The following NFKB1 variants were observed in gnomAD, a reference collection of about 807,000 sequenced individuals.
The protein encoded by NFKB1 is nuclear factor NF-kappa-B p105 subunit.
A neutral mutation model predicts 105.1 loss-of-function variants in NFKB1; 9 were observed. The ratio of observed to expected loss-of-function variants is 0.09; its 90% CI spans 0.05 to 0.15. The LOEUF (loss-of-function observed/expected upper bound fraction) is 0.15, where lower values mean the gene tolerates loss of function less well. Ranked by LOEUF, NFKB1 falls within the 10% of genes least tolerant of loss-of-function variation. The pLI is 1.00. For missense variants in NFKB1, 830 were observed against 1,203.7 expected (o/e 0.69, Z 4.59); for synonymous variants, 440 against 442.2 (o/e 1.00, Z 0.06).
chr4:102,534,708 T>G (rs1257386920), intron 4 of NFKB1, among the ~76,000 whole-genome samples: 1 of 152,186 alleles, frequency 6.6e-6, no homozygotes, highest in Non-Finnish European at 1.5e-5. Context: ...CTAATCACAT[T>G]TGTGTGTGAC....
chr4:102,574,063 G>A (rs1006855213), intron 6 of NFKB1, among the ~76,000 whole-genome samples: 3 of 146,234 alleles, frequency 2.1e-5, no homozygotes, highest in East Asian at 4.0e-4. Context: ...TTCTTTCCAT[G>A]CCTGTTAGTT....
chr4:102,517,500 T>A (rs1740269643), intron 1 of NFKB1, among the ~76,000 whole-genome samples: 1 of 152,166 alleles, frequency 6.6e-6, no homozygotes, highest in African/African-American at 2.4e-5. Context: ...TTTTCCAATT[T>A]GCCAATACAA....
intron 17 of NFKB1, 146 bp from the exon 18 acceptor site, chr4:102,607,004 T>G: frequency 1.2e-6 from 1 of 836,766 alleles, no homozygotes; most frequent in Non-Finnish European, 2.0e-6. Context: ...TAGGAGACTG[T>G]GGGTCTTCAA....
At chr4:102,527,441 T>C (rs1418636656) in intron 2 of NFKB1, among the ~76,000 whole-genome samples, 1 of 152,166 alleles carries the variant, frequency 6.6e-6, no homozygotes, top group Non-Finnish European at 1.5e-5. Context: ...TTTAAAATAG[T>C]GGATTTCTGA....
intron 5 of NFKB1, among the ~76,000 whole-genome samples, chr4:102,561,024 T>C (rs1409589662): frequency 6.6e-6 from 1 of 152,194 alleles, no homozygotes; most frequent in African/African-American, 2.4e-5. Flanking sequence ...ATTGGATCAC[T>C]GACTAGATCA....
At chr4:102,569,306 T>C (rs1724126323) in intron 6 of NFKB1, among the ~76,000 whole-genome samples, 1 of 152,130 alleles carries the variant, frequency 6.6e-6, no homozygotes, top group Admixed American at 6.5e-5. Flanking sequence ...GACCTTAATG[T>C]CTTCCCTCAT....
intron 6 of NFKB1, among the ~76,000 whole-genome samples, chr4:102,575,532 C>T (rs115775841): frequency 6.6e-4 from 101 of 152,244 alleles, no homozygotes; most frequent in African/African-American, 2.4e-3. Flanking sequence ...ACAACTTGCT[C>T]ATTTCACTCC....
intron 1 of NFKB1, among the ~76,000 whole-genome samples, chr4:102,504,673 C>T (rs1739314235): frequency 6.6e-6 from 1 of 152,164 alleles, no homozygotes; most frequent in Non-Finnish European, 1.5e-5. Context: ...CTCATTTGCA[C>T]TCTTGCACCT....
At chr4:102,563,877 A>T (rs1212760078) in intron 5 of NFKB1, among the ~76,000 whole-genome samples, 1 of 143,746 alleles carries the variant, frequency 7.0e-6, no homozygotes, top group East Asian at 2.0e-4. Flanking sequence ...CTGGAGGGGC[A>T]GTGTCTTGAT....
chr4:102,612,503 AC>A lies in NFKB1; in HGVS notation c.2490del (p.Asp830GlufsTer11). 6.2e-7 allele frequency: 1 copy of A among 1,614,026 alleles called. No homozygotes were observed. Among genetic ancestry groups the A allele is most frequent in the Non-Finnish European group, 8.5e-7 (1 of 1,180,030 alleles). The part of the protein sequence containing the change: ...LYKLLEIPDP[D>X]KNWATLAQKL... ...AAGTTACTAGAAATTCCTGATCCAG[AC>A]AAAAACTGGGCTACTCTGGCGCAGA... On this transcript the variant is annotated frameshift_variant, in exon 22 of 24. Transcript: ENST00000226574. LOFTEE classifies it high-confidence loss of function.
intron 10 of NFKB1, among the ~76,000 whole-genome samples, chr4:102,583,795 AGT>A (rs76230098): frequency 0.41 from 62,969 of 152,162 alleles, 13,227 homozygotes; most frequent in Admixed American, 0.48. Flanking sequence ...CCTATTTACA[AGT>A]AATTATCTGG....
intron 11 of NFKB1, among the ~76,000 whole-genome samples, chr4:102,585,048 A>AT (rs78130855): frequency 0.028 from 4,038 of 143,604 alleles, 86 homozygotes; most frequent in Non-Finnish European, 0.042. Flanking sequence ...TGCCGGGCTA[A>AT]TTTTTTTTTT....
At chr4:102,585,572 G>A (rs1196763663) in intron 11 of NFKB1, among the ~76,000 whole-genome samples, 2 of 152,118 alleles carry the variant, frequency 1.3e-5, no homozygotes, top group Non-Finnish European at 2.9e-5. Context: ...AATGAGTAAG[G>A]CATCATTCTT....
At chr4:102,570,911 A>G (rs1387417102) in intron 6 of NFKB1, among the ~76,000 whole-genome samples, 1 of 152,214 alleles carries the variant, frequency 6.6e-6, no homozygotes, top group African/African-American at 2.4e-5. Context: ...ATACTGCCCA[A>G]GGTAATTTAT....
intron 1 of NFKB1, among the ~76,000 whole-genome samples, chr4:102,505,708 A>G (rs377712459): frequency 1.3e-5 from 2 of 152,266 alleles, no homozygotes; most frequent in African/African-American, 4.8e-5. Context: ...AAAAAATGAA[A>G]TAAAGAAAAA....
chr4:102,540,021 G>C (rs1741897500), intron 5 of NFKB1, among the ~76,000 whole-genome samples: 1 of 152,288 alleles, frequency 6.6e-6, no homozygotes, highest in South Asian at 2.1e-4. Flanking sequence ...TGTGTCACAT[G>C]TATAAATATT....
intron 16 of NFKB1, among the ~76,000 whole-genome samples, chr4:102,605,728 C>A (rs1416345481): frequency 6.6e-6 from 1 of 152,084 alleles, no homozygotes; most frequent in Non-Finnish European, 1.5e-5. Flanking sequence ...TCAGCTGAGC[C>A]CCCTTGGTGA....
At chr4:102,509,886 C>A (rs1215590787) in intron 1 of NFKB1, among the ~76,000 whole-genome samples, 1 of 152,172 alleles carries the variant, frequency 6.6e-6, no homozygotes, top group Non-Finnish European at 1.5e-5. Flanking sequence ...GGTCAGCTTT[C>A]TAAAGTGTAA....
chr4:102,502,370 C>G (rs1370417195), intron 1 of NFKB1, among the ~76,000 whole-genome samples: 1 of 129,400 alleles, frequency 7.7e-6, no homozygotes, highest in African/African-American at 3.2e-5. Flanking sequence ...CCCTCCCCCC[C>G]TCCGTGCGCG....
Sources: gnomAD v4.1 joint callset for allele counts (sites outside exome capture counted in the v4.1 genomes callset) on GRCh38, gnomAD v4.1.1 for gene constraint, MANE v1.5 for transcripts, NCBI Gene and HGNC (gene_info 2026-07-23, HGNC 2026-07-21) for gene names.